NELL1: variants seen among roughly 807,000 people sequenced by gnomAD.
NELL1 encodes protein kinase C-binding protein NELL1.
NELL1 carries 76 observed loss-of-function variants against 107.4 expected under a neutral mutation model. The observed-to-expected ratio is 0.71, with a 90% CI of 0.59 to 0.86. The LOEUF (loss-of-function observed/expected upper bound fraction) is 0.86, where lower values mean the gene tolerates loss of function less well. Among genes scored for constraint, NELL1 ranks in the 40% least tolerant of loss-of-function variants. The probability of loss-of-function intolerance (pLI) is 0.00; values close to 1 mark genes in which losing one functional copy is unlikely to be tolerated. For synonymous variants in NELL1, 353 were observed against 341.2 expected (o/e 1.03, Z -0.38); for missense variants, 1,024 against 1,005.5 (o/e 1.02, Z -0.25).
chr11:21,174,959 A>G (rs958496893), intron 13 of NELL1, among the ~76,000 whole-genome samples: 1 of 151,762 alleles, frequency 6.6e-6, no homozygotes, highest in Non-Finnish European at 1.5e-5. Flanking sequence ...TACCTTAATT[A>G]TGAGTAGTCG....
intron 14 of NELL1, among the ~76,000 whole-genome samples, chr11:21,295,968 C>G (rs1263631051): frequency 6.6e-6 from 1 of 151,502 alleles, no homozygotes; most frequent in African/African-American, 2.4e-5. Flanking sequence ...GATGAAGACT[C>G]TCATATGGGC....
At chr11:21,340,620 TACAC>T (rs71034506) in intron 14 of NELL1, among the ~76,000 whole-genome samples, 60,230 of 141,288 alleles carry the variant, frequency 0.43, 12,706 homozygotes, top group East Asian at 0.51. Flanking sequence ...TATGACGGGT[TACAC>T]ACACACACAC....
rs148447278 is a variant in NELL1, at chr11:21,524,025, A to G, written c.1646-10349A>G. 1.3e-4 allele frequency among the ~76,000 whole-genome samples: 20 copies of G among 152,190 alleles called. No individual in the cohort carries two copies. The East Asian group carries it at 3.1e-3, about 24-fold the overall frequency. On this transcript the variant is annotated intron_variant, in intron 15 of 19. Coordinates refer to ENST00000357134, the MANE Select transcript of NELL1 (RefSeq NM_006157.5). ...GGTTGGTAGCAGAAATCTGTTCACTATTCAACTCAGTATGTTTTTTCTTTA... is the reference window on the plus strand; with the variant it reads ...GGTTGGTAGCAGAAATCTGTTCACTGTTCAACTCAGTATGTTTTTTCTTTA...
chr11:21,442,911 T>C (rs1004506707), intron 15 of NELL1, among the ~76,000 whole-genome samples: 3 of 151,104 alleles, frequency 2.0e-5, no homozygotes, highest in Admixed American at 2.0e-4. Flanking sequence ...GCTTTACTAT[T>C]CCTTGTAAAT....
At chr11:20,822,942 G>C (rs1000356482) in intron 3 of NELL1, among the ~76,000 whole-genome samples, 2 of 152,206 alleles carry the variant, frequency 1.3e-5, no homozygotes, top group Non-Finnish European at 2.9e-5. Flanking sequence ...GCAGTGGGGA[G>C]CATGAGCTCT....
chr11:21,563,010 C>T (rs184727027), intron 17 of NELL1, among the ~76,000 whole-genome samples: 118 of 152,118 alleles, frequency 7.8e-4, no homozygotes, highest in African/African-American at 2.6e-3. Context: ...CTATGTACTT[C>T]CTTGGCAGTG....
At chr11:21,389,681 G>T (rs539296249) in intron 15 of NELL1, among the ~76,000 whole-genome samples, 2 of 151,640 alleles carry the variant, frequency 1.3e-5, no homozygotes, top group Admixed American at 6.6e-5. Context: ...AGACTATAAG[G>T]CCTGTTTGTG....
At position 21,273,319 on chromosome 11, in the gene NELL1, T is replaced by C. The variant is rs901812571; in HGVS notation, c.1549+43865T>C. Among the ~76,000 whole-genome samples the C allele has an allele frequency of 6.6e-5, 10 of 151,860 alleles. No individual in the cohort carries two copies. In the South Asian group the frequency reaches 1.0e-3, roughly 16 times the overall value. On this transcript the variant is annotated intron_variant, in intron 14 of 19. Coordinates refer to ENST00000357134, the MANE Select transcript of NELL1 (RefSeq NM_006157.5). ...AGGGTATCAGTGATGGAAGATGAGA[T>C]AAATGAAATGAAGCGAGAAGAGAAG...
At chr11:20,932,458 C>T (rs895923684) in intron 9 of NELL1, among the ~76,000 whole-genome samples, 1 of 152,166 alleles carries the variant, frequency 6.6e-6, no homozygotes, top group Non-Finnish European at 1.5e-5. Flanking sequence ...ACGTGAGTTG[C>T]GGATGGATGA....
chr11:21,039,542 G>T (rs1853177532), intron 12 of NELL1, among the ~76,000 whole-genome samples: 1 of 152,070 alleles, frequency 6.6e-6, no homozygotes, highest in African/African-American at 2.4e-5. Context: ...TTTTATATAT[G>T]ACCCCTAAAG....
chr11:20,933,528 G>A (rs1850660403), intron 9 of NELL1, among the ~76,000 whole-genome samples: 1 of 152,196 alleles, frequency 6.6e-6, no homozygotes, highest in South Asian at 2.1e-4. Flanking sequence ...CTGAAGCCAA[G>A]GCTGTGAATT....
At chr11:20,990,945 A>G (rs997279994) in intron 12 of NELL1, among the ~76,000 whole-genome samples, 2 of 150,360 alleles carry the variant, frequency 1.3e-5, no homozygotes, top group Non-Finnish European at 2.9e-5. Context: ...CTCTGTGGGT[A>G]TCTTCTGGTG....
intron 13 of NELL1, among the ~76,000 whole-genome samples, chr11:21,125,917 A>G (rs953698838): frequency 1.3e-5 from 2 of 152,244 alleles, no homozygotes; most frequent in African/African-American, 4.8e-5. Context: ...ACCAACTCAA[A>G]TCATCTTCAG....
At position 21,533,585 on chromosome 11, in the gene NELL1, A is replaced by G. The variant is rs149968231; in HGVS notation, c.1646-789A>G. Among the ~76,000 whole-genome samples the G allele has an allele frequency of 1.4e-3, 214 of 152,322 alleles. 3 individuals carry two copies. Among genetic ancestry groups the G allele is most frequent in the African/African-American group, 4.9e-3 (203 of 41,576 alleles). ...CAGTGCAGAGGCAAGGCTTTGTGCT[A>G]GAAAATCTATACATGAACCGGGTAT... is the stretch of plus-strand genomic sequence containing the variant. On this transcript the variant is annotated intron_variant, in intron 15 of 19. Transcript: ENST00000357134.
intron 2 of NELL1, among the ~76,000 whole-genome samples, chr11:20,682,852 T>G (rs759695438): frequency 1.3e-5 from 2 of 152,100 alleles, no homozygotes; most frequent in Non-Finnish European, 2.9e-5. Context: ...GTATGTGCTT[T>G]TTTGGTCTGG....
chr11:20,767,283 G>C (rs1423154526), intron 2 of NELL1, among the ~76,000 whole-genome samples: 1 of 152,142 alleles, frequency 6.6e-6, no homozygotes, highest in Non-Finnish European at 1.5e-5. Flanking sequence ...GCATGGAAGG[G>C]GAGCTGAGTG....
intron 16 of NELL1, among the ~76,000 whole-genome samples, chr11:21,559,146 T>C (rs917649785): frequency 6.6e-6 from 1 of 152,146 alleles, no homozygotes; most frequent in Non-Finnish European, 1.5e-5. Flanking sequence ...AATTTCTTAA[T>C]GTCATCTGCT....
intron 15 of NELL1, among the ~76,000 whole-genome samples, chr11:21,506,326 A>T (rs929021079): frequency 6.6e-6 from 1 of 152,134 alleles, no homozygotes; most frequent in Admixed American, 6.6e-5. Flanking sequence ...GACCTACCCA[A>T]CAATTTACAG....
intron 16 of NELL1, among the ~76,000 whole-genome samples, chr11:21,536,903 C>A (rs1029291383): frequency 6.6e-6 from 1 of 152,268 alleles, no homozygotes; most frequent in East Asian, 1.9e-4. Flanking sequence ...TCATTTCTCT[C>A]TAACATGCTG....
Sources: allele counts gnomAD v4.1 joint callset (sites outside exome capture counted in the v4.1 genomes callset), GRCh38; gene constraint gnomAD v4.1.1; transcripts MANE v1.5; gene names NCBI Gene and HGNC (gene_info 2026-07-23, HGNC 2026-07-21).